FBXL17: variants seen among roughly 807,000 people sequenced by gnomAD.
FBXL17 encodes the protein F-box/LRR-repeat protein 17.
In FBXL17, 22 loss-of-function variants were observed where a neutral mutation model predicts 66.2. That is an observed-to-expected ratio of 0.33 (90% CI 0.24 to 0.47). FBXL17 has a LOEUF of 0.47. Ranked by LOEUF, FBXL17 falls within the 20% of genes least tolerant of loss-of-function variation. The pLI is 1.00. For synonymous variants in FBXL17, 474 were observed against 400.5 expected (o/e 1.18, Z -2.19); for missense variants, 878 against 948.2 (o/e 0.93, Z 0.97).
At chr5:107,955,676 A>G (rs951211731) in intron 7 of FBXL17, among the ~76,000 whole-genome samples, 1 of 152,212 alleles carries the variant, frequency 6.6e-6, no homozygotes, top group Non-Finnish European at 1.5e-5. Context: ...TTTGTAAACT[A>G]AAAATTTGTC....
chr5:108,125,774 G>C (rs1459412978), intron 6 of FBXL17, among the ~76,000 whole-genome samples: 1 of 151,910 alleles, frequency 6.6e-6, no homozygotes, highest in East Asian at 1.9e-4. Flanking sequence ...TTTTAAGCTG[G>C]ATGTGTTTAT....
intron 6 of FBXL17, among the ~76,000 whole-genome samples, chr5:108,144,116 A>G (rs191307912): frequency 2.6e-4 from 39 of 152,284 alleles, no homozygotes; most frequent in African/African-American, 7.0e-4. Context: ...TGGTATTTCT[A>G]ACACACTTAG....
chr5:108,118,018 T>C (rs1042430125), intron 6 of FBXL17, among the ~76,000 whole-genome samples: 1 of 152,152 alleles, frequency 6.6e-6, no homozygotes, highest in Non-Finnish European at 1.5e-5. Context: ...TTCCATTATT[T>C]GGCATTACCA....
At chr5:108,080,010 G>A (rs1748702222) in intron 6 of FBXL17, among the ~76,000 whole-genome samples, 1 of 152,192 alleles carries the variant, frequency 6.6e-6, no homozygotes, top group Non-Finnish European at 1.5e-5. Flanking sequence ...ATTAAGCACA[G>A]TGTTTCTGTA....
chr5:108,270,337 T>C lies in FBXL17; in HGVS notation c.1507-46109A>G, dbSNP rs1002430111. Among the ~76,000 whole-genome samples the C allele has an allele frequency of 2.0e-5, 3 of 151,852 alleles. No individual in the cohort carries two copies. The South Asian group carries it at 6.2e-4, about 31-fold the overall frequency. On this transcript the variant is annotated intron_variant, in intron 4 of 8. Coordinates refer to ENST00000542267, the MANE Select transcript of FBXL17 (RefSeq NM_001163315.3). ...AGGTTGAGAAAGGCTGTTTCCTCCA[T>C]ACATGTATCTAAATGAAATGCACCT... is the stretch of plus-strand genomic sequence containing the variant.
chr5:108,174,907 T>C (rs1355892748), intron 6 of FBXL17, among the ~76,000 whole-genome samples: 1 of 152,154 alleles, frequency 6.6e-6, no homozygotes, highest in Non-Finnish European at 1.5e-5. Context: ...GATTGAACAT[T>C]GGAATTCTAT....
At chr5:108,077,627 C>T (rs1299540040) in intron 6 of FBXL17, among the ~76,000 whole-genome samples, 2 of 150,044 alleles carry the variant, frequency 1.3e-5, no homozygotes, top group East Asian at 3.9e-4. Flanking sequence ...CATACCACTG[C>T]ACTCCAGCCT....
intron 6 of FBXL17, among the ~76,000 whole-genome samples, chr5:108,093,439 A>G (rs1749259552): frequency 6.6e-6 from 1 of 152,160 alleles, no homozygotes; most frequent in Non-Finnish European, 1.5e-5. Flanking sequence ...ACCATAGTTG[A>G]CTTCACTGAT....
At chr5:107,927,260 T>C (rs1433690238) in intron 7 of FBXL17, among the ~76,000 whole-genome samples, 1 of 152,170 alleles carries the variant, frequency 6.6e-6, no homozygotes, top group Non-Finnish European at 1.5e-5. Context: ...GAACTGTAAC[T>C]ACATTATATA....
At chr5:108,215,813 A>G (rs1293303604) in intron 5 of FBXL17, among the ~76,000 whole-genome samples, 2 of 152,070 alleles carry the variant, frequency 1.3e-5, no homozygotes, top group African/African-American at 4.8e-5. Flanking sequence ...GTTTTCTTCT[A>G]CATGTTTCAT....
At chr5:108,316,089 C>T (rs1759349559) in intron 4 of FBXL17, among the ~76,000 whole-genome samples, 2 of 151,320 alleles carry the variant, frequency 1.3e-5, no homozygotes, top group Non-Finnish European at 3.0e-5. Flanking sequence ...ACAGAAGTAT[C>T]CTGAACAGTA....
chr5:108,061,104 T>G (rs528629705), intron 6 of FBXL17, among the ~76,000 whole-genome samples: 1 of 152,040 alleles, frequency 6.6e-6, no homozygotes, highest in Admixed American at 6.6e-5. Context: ...CTGATCAACA[T>G]GGAGAAACCC....
At chr5:108,035,252 C>T (rs1176939802) in intron 6 of FBXL17, among the ~76,000 whole-genome samples, 1 of 152,058 alleles carries the variant, frequency 6.6e-6, no homozygotes, top group South Asian at 2.1e-4. Flanking sequence ...AATACAGAGT[C>T]CAAATCTGTG....
At chr5:108,042,635 T>C (rs1747095016) in intron 6 of FBXL17, among the ~76,000 whole-genome samples, 1 of 152,222 alleles carries the variant, frequency 6.6e-6, no homozygotes, top group African/African-American at 2.4e-5. Flanking sequence ...GATATGCACA[T>C]ACCACATTCT....
At chr5:108,159,053 T>C (rs1232798008) in intron 6 of FBXL17, among the ~76,000 whole-genome samples, 1 of 152,138 alleles carries the variant, frequency 6.6e-6, no homozygotes, top group Non-Finnish European at 1.5e-5. Context: ...TGAGTGGTGG[T>C]ATTTCAATTA....
intron 4 of FBXL17, among the ~76,000 whole-genome samples, chr5:108,258,719 G>A (rs1418605544): frequency 6.6e-6 from 1 of 150,494 alleles, no homozygotes; most frequent in Non-Finnish European, 1.5e-5. Context: ...AAGGAAGTCA[G>A]GATAAATGGC....
At chr5:108,287,197 T>C (rs1480263021) in intron 4 of FBXL17, among the ~76,000 whole-genome samples, 2 of 151,972 alleles carry the variant, frequency 1.3e-5, no homozygotes, top group Non-Finnish European at 2.9e-5. Context: ...AATACTATTT[T>C]GGACATAGGA....
At chr5:107,966,676 T>G (rs1752153024) in intron 7 of FBXL17, among the ~76,000 whole-genome samples, 1 of 152,134 alleles carries the variant, frequency 6.6e-6, no homozygotes. Context: ...AAAATTTGTG[T>G]GGTAAAATGT....
chr5:108,131,975 A>C (rs2149977225), intron 6 of FBXL17, among the ~76,000 whole-genome samples: 1 of 138,900 alleles, frequency 7.2e-6, no homozygotes, highest in East Asian at 2.2e-4. Context: ...GACTGAAGAA[A>C]GTCCTTTTTT....
Sources: allele counts gnomAD v4.1 joint callset (sites outside exome capture counted in the v4.1 genomes callset), GRCh38; gene constraint gnomAD v4.1.1; transcripts MANE v1.5; gene names NCBI Gene and HGNC (gene_info 2026-07-23, HGNC 2026-07-21).